Variants in ADAMTS19 observed in about 807,000 individuals in gnomAD.
The protein encoded by ADAMTS19 is A disintegrin and metalloproteinase with thrombospondin motifs 19.
A neutral mutation model predicts 153.3 loss-of-function variants in ADAMTS19; 93 were observed. The ratio of observed to expected loss-of-function variants is 0.61; its 90% CI spans 0.51 to 0.72. The LOEUF is 0.72. Among genes scored for constraint, ADAMTS19 ranks in the 30% least tolerant of loss-of-function variants. The probability of loss-of-function intolerance (pLI) is 0.00; values close to 1 mark genes in which losing one functional copy is unlikely to be tolerated. For missense variants in ADAMTS19, 1,482 were observed against 1,552.1 expected (o/e 0.95, Z 0.76); for synonymous variants, 600 against 556.6 (o/e 1.08, Z -1.10).
chr5:129,484,899 G>T (rs1336428298), intron 2 of ADAMTS19, among the ~76,000 whole-genome samples: 1 of 151,954 alleles, frequency 6.6e-6, no homozygotes, highest in African/African-American at 2.4e-5. Flanking sequence ...ACCAACTACT[G>T]GTACTTTCAG....
intron 1 of ADAMTS19, 32 bp downstream of exon 1, chr5:129,460,514 T>G (rs560661194): frequency 5.6e-6 from 9 of 1,613,384 alleles, no homozygotes; most frequent in Admixed American, 1.7e-5. Context: ...TCGCTTCCTT[T>G]CCAGCCATCC....
intron 10 of ADAMTS19, among the ~76,000 whole-genome samples, chr5:129,625,136 C>CT (rs1417233848): frequency 1.3e-5 from 2 of 152,152 alleles, no homozygotes; most frequent in Non-Finnish European, 2.9e-5. Flanking sequence ...TGGTTTCCAG[C>CT]TTCATCCATG....
Position 129,665,680 on chromosome 5 carries a change from T to A in ADAMTS19, c.2506+101T>A, listed in dbSNP as rs1754018731. On this transcript the variant is annotated intron_variant, in intron 16 of 22. Transcript: ENST00000274487. ...GGAAGTCAATCTGTTTCTAGTTTTA[T>A]GTTTGAACTTCCCAGGAACTATCTT... 3.2e-6 allele frequency: 3 copies of A among 924,142 alleles called. No homozygotes were observed. The South Asian group carries it at 5.9e-5, about 18-fold the overall frequency. 57.2% of individuals were successfully genotyped at this position (924,142 alleles called of 1,614,324 possible).
At chr5:129,686,209 C>T (rs1047659543) in intron 18 of ADAMTS19, among the ~76,000 whole-genome samples, 1 of 151,980 alleles carries the variant, frequency 6.6e-6, no homozygotes, top group Non-Finnish European at 1.5e-5. Flanking sequence ...TGGAAATTGC[C>T]AAGTGAGTAT....
At chr5:129,460,736 G>T in intron 1 of ADAMTS19, 1 of 575,580 alleles carries the variant, frequency 1.7e-6, no homozygotes, top group South Asian at 2.1e-5. Flanking sequence ...TACGTTTACA[G>T]CACCTGGAGG....
chr5:129,534,398 C>T (rs980750398), intron 6 of ADAMTS19, among the ~76,000 whole-genome samples: 1 of 152,088 alleles, frequency 6.6e-6, no homozygotes, highest in Admixed American at 6.6e-5. Context: ...TCTGAATAGA[C>T]CAATAACAGG....
At chr5:129,591,670 A>T (rs919113249) in intron 7 of ADAMTS19, among the ~76,000 whole-genome samples, 1 of 152,048 alleles carries the variant, frequency 6.6e-6, no homozygotes. Flanking sequence ...TTCTTCTGTT[A>T]TGCTTCAAAT....
chr5:129,616,614 G>A (rs1304164029), intron 8 of ADAMTS19, among the ~76,000 whole-genome samples: 6 of 151,950 alleles, frequency 3.9e-5, no homozygotes, highest in Admixed American at 3.9e-4. Context: ...AGTTTTATAA[G>A]ATAAAAATAT....
At chr5:129,666,843 CT>C (rs80350770) in intron 16 of ADAMTS19, among the ~76,000 whole-genome samples, 2,659 of 152,260 alleles carry the variant, frequency 0.017, 59 homozygotes, top group African/African-American at 0.055. Flanking sequence ...TGTTATTACA[CT>C]TGCATGTATG....
At chr5:129,734,875 A>G (rs1312138111) in intron 21 of ADAMTS19, 57 bp from the exon 22 acceptor site, 2 of 1,406,440 alleles carry the variant, frequency 1.4e-6, no homozygotes, top group Non-Finnish European at 1.9e-6. Flanking sequence ...CTAGAAAATA[A>G]TAACAGCAAA....
At chr5:129,607,877 C>A (rs2126944855) in intron 8 of ADAMTS19, among the ~76,000 whole-genome samples, 1 of 150,940 alleles carries the variant, frequency 6.6e-6, no homozygotes. Context: ...TGAAAACAAC[C>A]TGCATCTGTT....
Position 129,697,481 on chromosome 5 carries a change from A to G in ADAMTS19, c.2954+2626A>G, listed in dbSNP as rs181235829. 8.5e-5 allele frequency among the ~76,000 whole-genome samples: 13 copies of G among 152,348 alleles called. No homozygotes were observed. In the East Asian group the frequency reaches 2.5e-3, roughly 29 times the overall value. On this transcript the variant is annotated intron_variant, in intron 19 of 22. Coordinates refer to ENST00000274487, the MANE Select transcript of ADAMTS19 (RefSeq NM_133638.6). ...TATATGCTTTTAAAAGAATAGGAAA[A>G]TGATATATAAAAGGATGTGCATAAG...
chr5:129,581,593 CTG>C (rs1749518624), intron 7 of ADAMTS19, among the ~76,000 whole-genome samples: 1 of 149,298 alleles, frequency 6.7e-6, no homozygotes, highest in Non-Finnish European at 1.5e-5. Flanking sequence ...TTTCGTGTCT[CTG>C]TCTCCTTTAG....
rs1035889290 is a variant in ADAMTS19, at chr5:129,736,492, C to T, written c.3491-575C>T. The stretch of plus-strand genomic sequence containing the variant: ...GACCAAATATTCTATACCAACTTCT[C>T]ATTTCAAACACTTCAACTATTGCTG... On this transcript the variant is annotated intron_variant, in intron 22 of 22. Coordinates refer to ENST00000274487, the MANE Select transcript of ADAMTS19 (RefSeq NM_133638.6). Among the ~76,000 whole-genome samples the T allele has an allele frequency of 5.3e-5, 8 of 152,074 alleles. 1 individual carries two copies. Among genetic ancestry groups the T allele is most frequent in the Non-Finnish European group, 1.5e-5 (1 of 68,000 alleles).
intron 8 of ADAMTS19, among the ~76,000 whole-genome samples, chr5:129,614,635 A>T (rs966058454): frequency 2.0e-5 from 3 of 152,174 alleles, no homozygotes; most frequent in Admixed American, 2.0e-4. Flanking sequence ...CAAGACAGGG[A>T]TGTACTCTCT....
At chr5:129,662,887 C>CTTTTTT (rs545012539) in intron 15 of ADAMTS19, among the ~76,000 whole-genome samples, 15 of 125,404 alleles carry the variant, frequency 1.2e-4, no homozygotes, top group African/African-American at 5.1e-4. Context: ...GATTCTTCTT[C>CTTTTTT]ATTTTTTTTT....
At chr5:129,712,244 C>T (rs1046249526) in intron 21 of ADAMTS19, among the ~76,000 whole-genome samples, 2 of 152,100 alleles carry the variant, frequency 1.3e-5, no homozygotes, top group East Asian at 1.9e-4. Flanking sequence ...ACACCGAAAG[C>T]TCTCATTGTC....
intron 3 of ADAMTS19, among the ~76,000 whole-genome samples, chr5:129,520,355 C>T (rs898847173): frequency 2.6e-5 from 4 of 152,046 alleles, no homozygotes; most frequent in African/African-American, 9.7e-5. Flanking sequence ...ACTAGGGAGC[C>T]TAGTAAAATG....
intron 21 of ADAMTS19, among the ~76,000 whole-genome samples, chr5:129,704,618 G>A (rs997482164): frequency 6.6e-6 from 1 of 152,022 alleles, no homozygotes; most frequent in African/African-American, 2.4e-5. Flanking sequence ...TTGACACAAA[G>A]GAAGCTATCA....
Sources: gnomAD v4.1 joint callset for allele counts (sites outside exome capture counted in the v4.1 genomes callset) on GRCh38, gnomAD v4.1.1 for gene constraint, MANE v1.5 for transcripts, NCBI Gene and HGNC (gene_info 2026-07-23, HGNC 2026-07-21) for gene names.